BCAS3: variants seen among roughly 807,000 people sequenced by gnomAD.
The protein encoded by BCAS3 is BCAS3 microtubule associated cell migration factor, also known as BCAS4/BCAS3 fusion.
A neutral mutation model predicts 116.1 loss-of-function variants in BCAS3; 53 were observed. The ratio of observed to expected loss-of-function variants is 0.46; its 90% confidence interval spans 0.37 to 0.57. The LOEUF is 0.57. Among genes scored for constraint, BCAS3 ranks in the 20% least tolerant of loss-of-function variants. The pLI is 0.00. For synonymous variants in BCAS3, 391 were observed against 408.2 expected (o/e 0.96, Z 0.51); for missense variants, 917 against 1,165.4 (o/e 0.79, Z 3.10).
At chr17:61,133,970 T>TACTTAGC (rs1261968125) in intron 22 of BCAS3, among the ~76,000 whole-genome samples, 2 of 151,780 alleles carry the variant, frequency 1.3e-5, no homozygotes, top group Non-Finnish European at 2.9e-5. Context: ...GATTTTCACA[T>TACTTAGC]ATGTGTTCCA....
In BCAS3 at chr17:60,873,005, A is replaced by C. The variant is rs1038602516; in HGVS notation, c.585-1657A>C. Among the ~76,000 whole-genome samples the C allele has an allele frequency of 1.1e-4, 16 of 152,246 alleles. No individual in the cohort carries two copies. The East Asian group carries it at 2.9e-3, about 27-fold the overall frequency. ...TAGATATGGAAATGCCTTTTCTTCT[A>C]TCAGGGCATTAAAAGGGTATTAAGT... On this transcript the variant is annotated intron_variant, in intron 8 of 23. Transcript: ENST00000407086.
intron 14 of BCAS3, among the ~76,000 whole-genome samples, chr17:60,978,720 T>C (rs1384905309): frequency 6.6e-6 from 1 of 151,982 alleles, no homozygotes; most frequent in Non-Finnish European, 1.5e-5. Flanking sequence ...TTTCTACATA[T>C]GGCTAGCCAG....
At position 60,810,896 on chromosome 17, in the gene BCAS3, A is replaced by T. The variant is rs1017143100; in HGVS notation, c.476+2820A>T. 1.1e-4 allele frequency: 79 copies of T among 700,908 alleles called. No individual in the cohort carries two copies. In the African/African-American group the frequency reaches 1.2e-3, roughly 11 times the overall value. The allele number at this position is 700,908 out of a possible 1,614,324, so 43.4% of individuals were successfully genotyped here. On this transcript the variant is annotated intron_variant, in intron 7 of 23. Coordinates refer to ENST00000407086, the MANE Select transcript of BCAS3 (RefSeq NM_017679.5). Reference sequence around the variant, plus strand: ...GAGGTAGATGCCCCCAAATCTCAGGATCTCACCAAGATCATGGCAGACATC... The same window carrying T: ...GAGGTAGATGCCCCCAAATCTCAGGTTCTCACCAAGATCATGGCAGACATC...
At chr17:61,143,691 C>G (rs769514674) in intron 22 of BCAS3, among the ~76,000 whole-genome samples, 2 of 152,096 alleles carry the variant, frequency 1.3e-5, no homozygotes, top group African/African-American at 2.4e-5. Context: ...TGCATGTAAT[C>G]CCAGGTACTA....
chr17:60,695,491 C>T (rs2035476782), intron 4 of BCAS3, among the ~76,000 whole-genome samples: 1 of 152,136 alleles, frequency 6.6e-6, no homozygotes, highest in Non-Finnish European at 1.5e-5. Flanking sequence ...GGGAACAATG[C>T]TGTAATGAAC....
intron 22 of BCAS3, among the ~76,000 whole-genome samples, chr17:61,274,029 T>C (rs1421999963): frequency 6.6e-6 from 1 of 151,172 alleles, no homozygotes; most frequent in Non-Finnish European, 1.5e-5. Flanking sequence ...TACATATGTA[T>C]ACATGTGCCA....
At chr17:61,074,246 G>GA (rs1395893917) in intron 19 of BCAS3, among the ~76,000 whole-genome samples, 1 of 149,278 alleles carries the variant, frequency 6.7e-6, no homozygotes, top group South Asian at 2.1e-4. Flanking sequence ...AAGAAAAAAA[G>GA]AAAAAAATAC....
chr17:60,908,028 C>T (rs1453460450), intron 11 of BCAS3, among the ~76,000 whole-genome samples: 2 of 152,146 alleles, frequency 1.3e-5, no homozygotes, highest in African/African-American at 4.8e-5. Flanking sequence ...CCCTGACTCC[C>T]TGCATAGTTA....
chr17:61,238,106 A>G (rs1407334209), intron 22 of BCAS3, among the ~76,000 whole-genome samples: 1 of 152,100 alleles, frequency 6.6e-6, no homozygotes, highest in Non-Finnish European at 1.5e-5. Context: ...AGGCTGGAGT[A>G]CAGAGGCACA....
Position 60,689,690 on chromosome 17 carries a change from A to C in BCAS3, c.143A>C (p.Tyr48Ser). ...TFLQDVVPQA[Y>S]SGTPLTEEKE... ...ATGTTTCTGTTTACTATGCAGGCTTACAGTGGAACACCTCTAACAGAAGAA... is the reference window on the plus strand; with the variant it reads ...ATGTTTCTGTTTACTATGCAGGCTTCCAGTGGAACACCTCTAACAGAAGAA... The change falls in exon 4 of 24, where the codon TAC becomes TCC. Residue 48 changes from tyrosine to serine, a missense_variant. Tyr to Ser is a moderately radical substitution (Grantham distance 144). This residue lies in a region of BCAS3 where 807 missense variants were observed against 1,026.0 expected (regional missense o/e 0.79). Coordinates refer to ENST00000407086, the MANE Select transcript of BCAS3 (RefSeq NM_017679.5). The C allele has an allele frequency of 6.3e-7, 1 of 1,595,786 alleles. No homozygotes were observed. The highest frequency in any genetic ancestry group is 8.6e-7 in the Non-Finnish European group (1 of 1,164,884).
intron 6 of BCAS3, among the ~76,000 whole-genome samples, chr17:60,791,522 C>T (rs57622788): frequency 0.031 from 4,651 of 152,012 alleles, 203 homozygotes; most frequent in African/African-American, 0.1. Context: ...GGCATGGCGG[C>T]GCATGTCTGT....
chr17:61,348,485 A>C lies in BCAS3; in HGVS notation c.2426-19842A>C, dbSNP rs552992311. Among the ~76,000 whole-genome samples, 1 of 152,152 alleles carries C rather than the reference A, an allele frequency of 6.6e-6. No homozygotes were observed. Among genetic ancestry groups the C allele is most frequent in the Non-Finnish European group, 1.5e-5 (1 of 68,038 alleles). On this transcript the variant is annotated intron_variant, in intron 22 of 23. Transcript: ENST00000407086. The surrounding 1 kb of genome is among the most constrained non-coding windows in gnomAD (Gnocchi z 4.5). ...TTAGAGTAGCTGAACTCACCCAAGA[A>C]TAGTTTACAGAGAAAGAAGAGAAGA... is the stretch of plus-strand genomic sequence containing the variant.
rs1214257920 is a variant in BCAS3 at position 61,211,062 on chromosome 17, G to C, written c.2425+126498G>C. On this transcript the variant is annotated intron_variant, in intron 22 of 23. Transcript: ENST00000407086. The surrounding 1 kb of genome is among the most constrained non-coding windows in gnomAD (Gnocchi z 4.4). ...CCCCAAGCTAGGGTCCCAGCGCTGG[G>C]TGGGGGACAGGAGAAAAGGCCTGAG... 1.3e-5 allele frequency among the ~76,000 whole-genome samples: 2 copies of C among 152,078 alleles called. No homozygotes were observed. Among genetic ancestry groups the C allele is most frequent in the African/African-American group, 4.8e-5 (2 of 41,400 alleles).
intron 5 of BCAS3, among the ~76,000 whole-genome samples, chr17:60,735,861 T>C (rs2040903935): frequency 1.3e-5 from 2 of 148,696 alleles, no homozygotes. Flanking sequence ...TTTTGTCATA[T>C]GCTTTTTCTG....
At chr17:61,031,375 A>G (rs777881728) in intron 16 of BCAS3, among the ~76,000 whole-genome samples, 45 of 152,086 alleles carry the variant, frequency 3.0e-4, no homozygotes, top group Non-Finnish European at 1.5e-4. Context: ...AAGTTCATAC[A>G]TTGTATGTCA....
chr17:60,827,906 A>G (rs1317661746), intron 7 of BCAS3, among the ~76,000 whole-genome samples: 1 of 152,222 alleles, frequency 6.6e-6, no homozygotes, highest in Non-Finnish European at 1.5e-5. Flanking sequence ...TATTGAGTTC[A>G]AAGTTGTTTT....
intron 5 of BCAS3, among the ~76,000 whole-genome samples, chr17:60,744,916 T>C (rs1423957908): frequency 1.3e-5 from 2 of 152,202 alleles, no homozygotes; most frequent in Non-Finnish European, 1.5e-5. Flanking sequence ...AAGTGTTGTA[T>C]ATTCAGGTTT....
At position 61,365,599 on chromosome 17, in the gene BCAS3, G is replaced by A. The variant is rs1050799179; in HGVS notation, c.2426-2728G>A. Among the ~76,000 whole-genome samples the A allele has an allele frequency of 2.6e-5, 4 of 152,098 alleles. No homozygotes were observed. Among genetic ancestry groups the A allele is most frequent in the African/African-American group, 9.7e-5 (4 of 41,426 alleles). On this transcript the variant is annotated intron_variant, in intron 22 of 23. Coordinates refer to ENST00000407086, the MANE Select transcript of BCAS3 (RefSeq NM_017679.5). This position sits in a 1 kb window ranked among gnomAD's most constrained non-coding sequence, Gnocchi z 4.6. ...TCTGCTCACCTTGGCCTCCCAAAGT[G>A]CTGGGATTACAGGCGTGAGCCACCG...
At position 61,387,356 on chromosome 17, in the gene BCAS3, C is replaced by T. The variant is rs1023398817; in HGVS notation, c.2594-4621C>T. The stretch of plus-strand genomic sequence containing the variant: ...ACCCCACCCCATCTCCCTGGGCACA[C>T]GCTCCCAAGTGACCAGGGTTGCTTC... On this transcript the variant is annotated intron_variant, in intron 23 of 23. Coordinates refer to ENST00000407086, the MANE Select transcript of BCAS3 (RefSeq NM_017679.5). This position sits in a 1 kb window ranked among gnomAD's most constrained non-coding sequence, Gnocchi z 6.2. Among the ~76,000 whole-genome samples, 10 of 152,202 alleles carry T rather than the reference C, an allele frequency of 6.6e-5. No homozygotes were observed. The highest frequency in any genetic ancestry group is 1.3e-4 in the Admixed American group (2 of 15,286).
Sources: gnomAD v4.1 joint callset for allele counts (sites outside exome capture counted in the v4.1 genomes callset) on GRCh38, gnomAD v4.1.1 for gene constraint, gnomAD v4.1.1 regional missense constraint, Gnocchi (gnomAD v3.1) non-coding constraint, MANE v1.5 for transcripts, NCBI Gene and HGNC (gene_info 2026-07-23, HGNC 2026-07-21) for gene names.